Variants in TBC1D8 observed in about 807,000 individuals in gnomAD.
TBC1D8 encodes the protein TBC1 domain family member 8, also known as BUB2-like protein 1.
Under a neutral mutation model 118.8 loss-of-function variants are expected in TBC1D8, and 65 were observed. The observed-to-expected ratio is 0.55, with a 90% CI of 0.45 to 0.67. The LOEUF (loss-of-function observed/expected upper bound fraction) is 0.67. Ranked by LOEUF, TBC1D8 falls within the 30% of genes least tolerant of loss-of-function variation. TBC1D8 has a pLI of 0.00. For synonymous variants in TBC1D8, 566 were observed against 595.8 expected (o/e 0.95, Z 0.73); for missense variants, 1,376 against 1,471.2 (o/e 0.94, Z 1.06).
At chr2:101,018,403 T>C (rs989759241) in intron 17 of TBC1D8, 2 of 157,154 alleles carry the variant, frequency 1.3e-5, no homozygotes, top group South Asian at 1.9e-4. Context: ...CAACTGCAAA[T>C]TGGAATTATT....
At chr2:101,141,089 T>C (rs549793933) in intron 1 of TBC1D8, among the ~76,000 whole-genome samples, 1 of 152,238 alleles carries the variant, frequency 6.6e-6, no homozygotes, top group East Asian at 1.9e-4. Flanking sequence ...GTGTAGGCAT[T>C]AGCTGTCAAC....
intron 17 of TBC1D8, chr2:101,017,863 TC>T: frequency 6.4e-7 from 1 of 1,550,906 alleles, no homozygotes; most frequent in Non-Finnish European, 8.7e-7. Flanking sequence ...AATTAGGTCT[TC>T]AAAACGATGA....
chr2:101,127,755 T>C (rs561735028), intron 1 of TBC1D8, among the ~76,000 whole-genome samples: 2 of 152,268 alleles, frequency 1.3e-5, no homozygotes, highest in East Asian at 1.9e-4. Flanking sequence ...AACCTCCTCA[T>C]TGGATAGGTG....
intron 1 of TBC1D8, among the ~76,000 whole-genome samples, chr2:101,103,289 T>C (rs1268409666): frequency 1.3e-5 from 2 of 149,454 alleles, no homozygotes; most frequent in South Asian, 4.2e-4. Flanking sequence ...ACAAAAAATG[T>C]TGACAAAATC....
chr2:101,013,238 G>A (rs1424779271), intron 17 of TBC1D8, among the ~76,000 whole-genome samples: 1 of 152,140 alleles, frequency 6.6e-6, no homozygotes, highest in African/African-American at 2.4e-5. Context: ...ACGTCACCTG[G>A]ACATGGAACT....
intron 5 of TBC1D8, among the ~76,000 whole-genome samples, chr2:101,043,139 A>C (rs1265435125): frequency 6.6e-6 from 1 of 152,248 alleles, no homozygotes; most frequent in African/African-American, 2.4e-5. Context: ...CAACGGGTCC[A>C]GTTCCTGGGG....
chr2:101,018,855 T>C, intron 17 of TBC1D8: 1 of 1,014,038 alleles, frequency 9.9e-7, no homozygotes, highest in Middle Eastern at 2.1e-4. Flanking sequence ...GTCCAATTAG[T>C]ATAATTAACT....
intron 2 of TBC1D8, among the ~76,000 whole-genome samples, chr2:101,071,435 T>C (rs1267225122): frequency 6.6e-6 from 1 of 152,176 alleles, no homozygotes; most frequent in Non-Finnish European, 1.5e-5. Context: ...GTGGGGAGGC[T>C]AGAAATGTGA....
intron 1 of TBC1D8, among the ~76,000 whole-genome samples, chr2:101,090,627 G>A (rs933203884): frequency 1.6e-4 from 25 of 152,216 alleles, no homozygotes; most frequent in African/African-American, 2.4e-5. Flanking sequence ...TGCTGAACCA[G>A]TCGCCCAGCC....
intron 1 of TBC1D8, among the ~76,000 whole-genome samples, chr2:101,142,290 C>T (rs759028949): frequency 9.9e-5 from 15 of 152,134 alleles, no homozygotes; most frequent in African/African-American, 2.9e-4. Flanking sequence ...CCCAGTTCTC[C>T]GTCAGAAGAG....
At chr2:101,129,394 C>T (rs1017947222) in intron 1 of TBC1D8, among the ~76,000 whole-genome samples, 21 of 152,114 alleles carry the variant, frequency 1.4e-4, no homozygotes, top group African/African-American at 2.9e-4. Context: ...CTGCCTGCCT[C>T]GGCCTCCCAG....
At chr2:101,034,170 T>C (rs749101102) in intron 9 of TBC1D8, among the ~76,000 whole-genome samples, 7 of 152,130 alleles carry the variant, frequency 4.6e-5, no homozygotes, top group Non-Finnish European at 1.0e-4. Flanking sequence ...ATTTCTGCCA[T>C]GTAGCCTAGT....
chr2:101,125,172 G>A (rs1678298914), intron 1 of TBC1D8, among the ~76,000 whole-genome samples: 4 of 151,282 alleles, frequency 2.6e-5, no homozygotes, highest in South Asian at 4.2e-4. Context: ...AGAGCAATCT[G>A]GCAAAGCAGC....
intron 1 of TBC1D8, among the ~76,000 whole-genome samples, chr2:101,109,369 C>T (rs1009566917): frequency 2.0e-5 from 3 of 152,244 alleles, no homozygotes; most frequent in Admixed American, 6.5e-5. Context: ...AAACAAAAAA[C>T]GGTTAACATG....
chr2:101,088,854 G>A (rs1173781900), intron 2 of TBC1D8, among the ~76,000 whole-genome samples: 4 of 152,070 alleles, frequency 2.6e-5, no homozygotes, highest in South Asian at 2.1e-4. Flanking sequence ...TTACAGGCAT[G>A]AGCCACCATT....
chr2:101,151,203 C>A lies in TBC1D8; in HGVS notation c.51G>T (p.Trp17Cys). The change falls in exon 1 of 20, where the codon TGG (tryptophan) becomes TGT (cysteine). Residue 17 changes from tryptophan (W) to cysteine (C), a missense_variant. Trp to Cys is a radical substitution (Grantham distance 215, BLOSUM62 -2). Coordinates refer to ENST00000409318, the MANE Select transcript of TBC1D8 (RefSeq NM_001330348.2). ...AGTAGCAGCTGCTCTTCTGGGTCAC[C>A]CAGAGCTTCAGCGCGTTCTTCAGCA... ...EVLLKNALKLWVTQKSSCYFI... is the reference protein window; with the variant it reads ...EVLLKNALKLCVTQKSSCYFI... 1 of 1,261,630 alleles carries A rather than the reference C, an allele frequency of 7.9e-7. No homozygotes were observed. The highest frequency in any genetic ancestry group is 1.0e-6 in the Non-Finnish European group (1 of 978,712). 78.2% of individuals were successfully genotyped at this position (1,261,630 alleles called of 1,614,324 possible).
At chr2:101,026,191 C>T (rs1322948267) in intron 15 of TBC1D8, among the ~76,000 whole-genome samples, 4 of 151,964 alleles carry the variant, frequency 2.6e-5, no homozygotes, top group African/African-American at 9.7e-5. Context: ...ACAATTAGCC[C>T]TAAATAAATC....
intron 4 of TBC1D8, among the ~76,000 whole-genome samples, chr2:101,052,656 T>C (rs1682148533): frequency 6.6e-6 from 1 of 152,144 alleles, no homozygotes; most frequent in South Asian, 2.1e-4. Flanking sequence ...TTTGTATTTT[T>C]AGTAGAGGCG....
intron 1 of TBC1D8, among the ~76,000 whole-genome samples, chr2:101,095,375 A>G (rs1052506155): frequency 1.3e-5 from 2 of 149,296 alleles, no homozygotes; most frequent in South Asian, 2.2e-4. Context: ...AGCATTAGGT[A>G]TATCTCCTAA....
Sources: allele counts gnomAD v4.1 joint callset (sites outside exome capture counted in the v4.1 genomes callset), GRCh38; gene constraint gnomAD v4.1.1; transcripts MANE v1.5; gene names NCBI Gene and HGNC (gene_info 2026-07-23, HGNC 2026-07-21).